PTPRD: variants seen among roughly 807,000 people sequenced by gnomAD.
The protein encoded by PTPRD is receptor-type tyrosine-protein phosphatase delta.
A neutral mutation model predicts 214.5 loss-of-function variants in PTPRD; 34 were observed. That is an observed-to-expected ratio of 0.16 (90% CI 0.12 to 0.21). The LOEUF is 0.21. PTPRD is among the 10% of genes least tolerant of loss of function. The pLI, the probability that PTPRD is intolerant of heterozygous loss-of-function variation, is 1.00. For synonymous variants in PTPRD, 1,128 were observed against 845.7 expected (o/e 1.33, Z -5.79); for missense variants, 2,545 against 2,398.7 (o/e 1.06, Z -1.27).
At chr9:8,759,901 T>C (rs2094299365) in intron 11 of PTPRD, among the ~76,000 whole-genome samples, 1 of 152,218 alleles carries the variant, frequency 6.6e-6, no homozygotes, top group Non-Finnish European at 1.5e-5. Flanking sequence ...TATGCTTCGA[T>C]TTACTATCCT....
rs2095770269 is a variant in PTPRD at position 9,987,753 on chromosome 9, C to T, written c.-472+45965G>A. Among the ~76,000 whole-genome samples, 6 of 152,160 alleles carry T rather than the reference C, an allele frequency of 3.9e-5. No homozygotes were observed. The South Asian group carries it at 1.2e-3, about 31-fold the overall frequency. On this transcript the variant is annotated intron_variant, in intron 4 of 45. Coordinates refer to ENST00000381196, the MANE Select transcript of PTPRD (RefSeq NM_002839.4). ...TATCTCAAAATAGTATTTAATTGTT[C>T]ATACTCAGTTTACCTAGCAGCATAG...
chr9:8,501,770 G>A (rs2097414838), intron 23 of PTPRD, among the ~76,000 whole-genome samples: 1 of 152,126 alleles, frequency 6.6e-6, no homozygotes, highest in Non-Finnish European at 1.5e-5. Flanking sequence ...ACCTACCCGA[G>A]GGTAATGTCA....
At chr9:9,716,199 C>G (rs1202889999) in intron 7 of PTPRD, among the ~76,000 whole-genome samples, 1 of 152,156 alleles carries the variant, frequency 6.6e-6, no homozygotes, top group African/African-American at 2.4e-5. Context: ...TTTTTTATGG[C>G]TGCATAGTAT....
At chr9:9,137,975 A>T (rs10117634) in intron 10 of PTPRD, among the ~76,000 whole-genome samples, 8,411 of 152,222 alleles carry the variant, frequency 0.055, 497 homozygotes, top group African/African-American at 0.13. Flanking sequence ...ATTTTGTAGC[A>T]GAGAAAACAG....
intron 9 of PTPRD, among the ~76,000 whole-genome samples, chr9:9,354,107 C>T (rs1469009944): frequency 6.6e-6 from 1 of 151,462 alleles, no homozygotes; most frequent in Non-Finnish European, 1.5e-5. Flanking sequence ...TTTGGTGAAT[C>T]CCCCCACACT....
At chr9:10,016,477 G>A (rs1309127710) in intron 4 of PTPRD, among the ~76,000 whole-genome samples, 1 of 152,064 alleles carries the variant, frequency 6.6e-6, no homozygotes, top group Non-Finnish European at 1.5e-5. Flanking sequence ...AATCATCAAA[G>A]AAAGCTAAAA....
intron 3 of PTPRD, among the ~76,000 whole-genome samples, chr9:10,156,435 T>G (rs1355133167): frequency 6.6e-6 from 1 of 152,162 alleles, no homozygotes; most frequent in Non-Finnish European, 1.5e-5. Context: ...TCTATGTAAC[T>G]ATGAGGTTTT....
chr9:8,781,571 A>C (rs1174671690), intron 11 of PTPRD, among the ~76,000 whole-genome samples: 1 of 152,200 alleles, frequency 6.6e-6, no homozygotes, highest in Non-Finnish European at 1.5e-5. Context: ...TAAAATAAAG[A>C]AAGAGTCAAA....
intron 11 of PTPRD, among the ~76,000 whole-genome samples, chr9:8,764,873 T>C (rs561782899): frequency 2.8e-4 from 42 of 151,816 alleles, no homozygotes; most frequent in African/African-American, 7.7e-4. Context: ...ACATGATGCA[T>C]ATATTAATAT....
At chr9:9,316,573 C>T (rs554315900) in intron 9 of PTPRD, among the ~76,000 whole-genome samples, 1 of 152,082 alleles carries the variant, frequency 6.6e-6, no homozygotes, top group Non-Finnish European at 1.5e-5. Flanking sequence ...TTTACCCTAT[C>T]ATGAATCTTC....
intron 10 of PTPRD, among the ~76,000 whole-genome samples, chr9:9,068,039 C>T (rs2099737679): frequency 6.6e-6 from 1 of 152,142 alleles, no homozygotes; most frequent in Admixed American, 6.5e-5. Context: ...TTCTCCACAT[C>T]TATAATTTTG....
chr9:9,275,573 T>A (rs1945290801), intron 9 of PTPRD, among the ~76,000 whole-genome samples: 1 of 151,190 alleles, frequency 6.6e-6, no homozygotes, highest in Non-Finnish European at 1.5e-5. Flanking sequence ...TAGATTATGC[T>A]TTCTGCTTAG....
At chr9:8,759,123 T>G (rs1304526279) in intron 11 of PTPRD, among the ~76,000 whole-genome samples, 32 of 152,064 alleles carry the variant, frequency 2.1e-4, no homozygotes, top group Non-Finnish European at 2.2e-4. Context: ...CTCAATCTCC[T>G]GAGGTCAAGC....
chr9:9,033,480 C>A (rs564786111), intron 10 of PTPRD, among the ~76,000 whole-genome samples: 1 of 152,082 alleles, frequency 6.6e-6, no homozygotes, highest in Admixed American at 6.6e-5. Flanking sequence ...AACATCCAAC[C>A]GCAGTACATA....
At chr9:10,050,440 G>A (rs918683778) in intron 3 of PTPRD, among the ~76,000 whole-genome samples, 4 of 150,662 alleles carry the variant, frequency 2.7e-5, no homozygotes, top group Non-Finnish European at 5.9e-5. Context: ...CGCGTCTGTA[G>A]TCCCAGCTAC....
intron 3 of PTPRD, among the ~76,000 whole-genome samples, chr9:10,237,905 C>A (rs568794373): frequency 9.9e-5 from 15 of 151,866 alleles, no homozygotes; most frequent in Non-Finnish European, 1.9e-4. Context: ...AGTGATATTT[C>A]TGAAGAGCTT....
chr9:9,414,371 A>G (rs1291893166), intron 8 of PTPRD, among the ~76,000 whole-genome samples: 4 of 152,354 alleles, frequency 2.6e-5, no homozygotes, highest in South Asian at 4.1e-4. Context: ...AGGATGGAGA[A>G]TTAAGGTCTT....
chr9:9,668,274 C>T lies in PTPRD; in HGVS notation c.-287+66259G>A, dbSNP rs570364634. ...ACACTATTGAATAACCATCTGGACC[C>T]GACAATTTATTTCCTGAATGGTCTT... is the stretch of plus-strand genomic sequence containing the variant. On this transcript the variant is annotated intron_variant, in intron 7 of 45. Coordinates refer to ENST00000381196, the MANE Select transcript of PTPRD (RefSeq NM_002839.4). Among the ~76,000 whole-genome samples, 7 of 152,174 alleles carry T rather than the reference C, an allele frequency of 4.6e-5. No homozygotes were observed. In the South Asian group the frequency reaches 6.2e-4, roughly 14 times the overall value.
intron 4 of PTPRD, among the ~76,000 whole-genome samples, chr9:9,988,960 T>G (rs1345864269): frequency 4.3e-5 from 6 of 139,186 alleles, no homozygotes; most frequent in Admixed American, 3.2e-4. Flanking sequence ...GTACAACATA[T>G]GTACTGTCAA....
Sources: allele counts gnomAD v4.1 joint callset (sites outside exome capture counted in the v4.1 genomes callset), GRCh38; gene constraint gnomAD v4.1.1; transcripts MANE v1.5; gene names NCBI Gene and HGNC (gene_info 2026-07-23, HGNC 2026-07-21).